CPED1: variants seen among roughly 807,000 people sequenced by gnomAD.
CPED1 encodes cadherin like and PC-esterase domain containing 1.
Under a neutral mutation model 128.2 loss-of-function variants are expected in CPED1, and 114 were observed. That is an observed-to-expected ratio of 0.89 (90% CI 0.76 to 1.04). The LOEUF is 1.04. Among genes scored for constraint, CPED1 ranks in the 50% least tolerant of loss-of-function variants. The pLI, the probability that CPED1 is intolerant of heterozygous loss-of-function variation, is 0.00. For synonymous variants in CPED1, 462 were observed against 426.7 expected (o/e 1.08, Z -1.02); for missense variants, 1,211 against 1,207.1 (o/e 1.00, Z -0.05).
intron 16 of CPED1, among the ~76,000 whole-genome samples, chr7:121,224,490 C>G (rs1234336293): frequency 6.6e-6 from 1 of 152,142 alleles, no homozygotes. Flanking sequence ...TGGTGCAGAG[C>G]TGAGTTCAAG....
At chr7:121,180,668 C>T (rs556633379) in intron 16 of CPED1, among the ~76,000 whole-genome samples, 61 of 152,026 alleles carry the variant, frequency 4.0e-4, no homozygotes, top group Middle Eastern at 3.4e-3. Flanking sequence ...TTCTTTGCTA[C>T]ACAATGGAGA....
In CPED1 at chr7:121,117,260, C is replaced by T. The variant is rs115349237; in HGVS notation, c.919-7071C>T. ...GGATTACAGATGAGTACCACCATGC[C>T]GGGCTACTTTTTGTATTTTTAGTTG... On this transcript the variant is annotated intron_variant, in intron 7 of 22. Coordinates refer to ENST00000310396, the MANE Select transcript of CPED1 (RefSeq NM_024913.5). 9.2e-3 allele frequency among the ~76,000 whole-genome samples: 1,394 copies of T among 151,232 alleles called. 21 individuals are homozygous for T. Among genetic ancestry groups the T allele is most frequent in the African/African-American group, 0.031 (1,296 of 41,196 alleles).
At chr7:121,058,409 G>A (rs1793558674) in intron 4 of CPED1, among the ~76,000 whole-genome samples, 1 of 152,164 alleles carries the variant, frequency 6.6e-6, no homozygotes, top group South Asian at 2.1e-4. Flanking sequence ...ATGGGGTGGT[G>A]AGCTGTGGCT....
chr7:121,183,688 T>G (rs554099574), intron 16 of CPED1, among the ~76,000 whole-genome samples: 1 of 152,294 alleles, frequency 6.6e-6, no homozygotes, highest in South Asian at 2.1e-4. Context: ...AACATAATGA[T>G]ATTAGTTTTC....
At position 121,197,186 on chromosome 7, in the gene CPED1, G is replaced by A. The variant is rs1392349277; in HGVS notation, c.2056-39528G>A. Among the ~76,000 whole-genome samples the A allele has an allele frequency of 4.1e-5, 6 of 147,986 alleles. No homozygotes were observed. In the Admixed American group the frequency reaches 4.1e-4, roughly 10 times the overall value. On this transcript the variant is annotated intron_variant, in intron 16 of 22. Coordinates refer to ENST00000310396, the MANE Select transcript of CPED1 (RefSeq NM_024913.5). The stretch of plus-strand genomic sequence containing the variant: ...GTACTATTAAGAGAGCATTCTTAAA[G>A]CAGGTTTTAAAAGTAATAGCAAATT...
chr7:121,276,205 T>G (rs943194358), intron 22 of CPED1, among the ~76,000 whole-genome samples: 1 of 152,106 alleles, frequency 6.6e-6, no homozygotes, highest in South Asian at 2.1e-4. Flanking sequence ...AGAATTAATA[T>G]TTCCTTTAAA....
intron 5 of CPED1, among the ~76,000 whole-genome samples, chr7:121,087,511 T>C (rs1794454494): frequency 6.6e-6 from 1 of 152,192 alleles, no homozygotes; most frequent in Non-Finnish European, 1.5e-5. Context: ...TTTTTACTGT[T>C]ATCCAATAAT....
chr7:121,236,827 GA>G lies in CPED1; in HGVS notation c.2172del (p.Gly725AlafsTer21). 1 of 1,522,546 alleles carries G rather than the reference GA, an allele frequency of 6.6e-7. No individual in the cohort carries two copies. Among genetic ancestry groups the G allele is most frequent in the Non-Finnish European group, 9.1e-7 (1 of 1,104,758 alleles). The allele number at this position is 1,522,546 out of a possible 1,614,324, so 94.3% of individuals were successfully genotyped here. On this transcript the variant is annotated frameshift_variant, in exon 17 of 23. Coordinates refer to ENST00000310396, the MANE Select transcript of CPED1 (RefSeq NM_024913.5). LOFTEE classifies it high-confidence loss of function. ...ELKRCPSGDMKGQWIVPCLSC... is the reference protein window; with the variant it reads ...ELKRCPSGDMXGQWIVPCLSC... The stretch of plus-strand genomic sequence containing the variant: ...TAAAAAGATGTCCATCTGGGGACAT[GA>G]AAGGTGACTATCACATTGGATATCA...
At chr7:121,225,015 TATG>T (rs1337220660) in intron 16 of CPED1, among the ~76,000 whole-genome samples, 4 of 152,098 alleles carry the variant, frequency 2.6e-5, no homozygotes, top group Non-Finnish European at 4.4e-5. Context: ...AGCCTGTCAT[TATG>T]ATGTTAGCTG....
At chr7:120,990,274 C>T (rs1796288819) in intron 2 of CPED1, among the ~76,000 whole-genome samples, 1 of 151,992 alleles carries the variant, frequency 6.6e-6, no homozygotes, top group Non-Finnish European at 1.5e-5. Flanking sequence ...GTATGAGTGC[C>T]CAGACCATTC....
Position 121,136,107 on chromosome 7 carries a change from GTGT to G in CPED1, c.1699+21_1699+23del. On this transcript the variant is annotated intron_variant, in intron 14 of 22. Coordinates refer to ENST00000310396, the MANE Select transcript of CPED1 (RefSeq NM_024913.5). ...GCAGTGATGGTGAGTTGAGATTAAA[GTGT>G]TGTAGCAGCATAATAAACAATTAGG... is the stretch of plus-strand genomic sequence containing the variant. The G allele has an allele frequency of 6.5e-7, 1 of 1,545,666 alleles. No individual in the cohort carries two copies. Among genetic ancestry groups the G allele is most frequent in the Middle Eastern group, 1.7e-4 (1 of 5,858 alleles).
chr7:121,197,352 A>G (rs1311078064), intron 16 of CPED1, among the ~76,000 whole-genome samples: 1 of 152,128 alleles, frequency 6.6e-6, no homozygotes, highest in Admixed American at 6.6e-5. Context: ...CAACAGTACC[A>G]CTAATACCTT....
intron 4 of CPED1, among the ~76,000 whole-genome samples, chr7:121,057,875 T>C (rs1381412845): frequency 6.6e-6 from 1 of 151,992 alleles, no homozygotes; most frequent in African/African-American, 2.4e-5. Context: ...ATATGATAGA[T>C]GGTAAAGAGC....
At chr7:121,001,782 C>A (rs193195883) in intron 2 of CPED1, among the ~76,000 whole-genome samples, 93 of 152,202 alleles carry the variant, frequency 6.1e-4, no homozygotes, top group African/African-American at 2.1e-3. Context: ...CAAGTGACTT[C>A]TTTGTGTTTT....
chr7:121,048,724 A>G (rs1363115843), intron 4 of CPED1, among the ~76,000 whole-genome samples: 1 of 152,096 alleles, frequency 6.6e-6, no homozygotes, highest in African/African-American at 2.4e-5. Flanking sequence ...TTTTTAGTAG[A>G]GACGGGGTTT....
At chr7:121,230,497 G>A (rs947679938) in intron 16 of CPED1, among the ~76,000 whole-genome samples, 1 of 152,018 alleles carries the variant, frequency 6.6e-6, no homozygotes, top group African/African-American at 2.4e-5. Flanking sequence ...TTAGACATTT[G>A]CAGCAGATCA....
At chr7:120,997,615 G>A (rs530245429) in intron 2 of CPED1, among the ~76,000 whole-genome samples, 3 of 152,246 alleles carry the variant, frequency 2.0e-5, no homozygotes, top group African/African-American at 7.2e-5. Context: ...AATCCAATAT[G>A]ACTGGTGTTA....
chr7:121,086,613 C>A (rs1794430756), intron 5 of CPED1, among the ~76,000 whole-genome samples: 1 of 152,070 alleles, frequency 6.6e-6, no homozygotes, highest in African/African-American at 2.4e-5. Flanking sequence ...GTAGATACTG[C>A]AAATTTTTTA....
chr7:121,285,145 G>T (rs561672774), intron 22 of CPED1, among the ~76,000 whole-genome samples: 1 of 152,330 alleles, frequency 6.6e-6, no homozygotes, highest in South Asian at 2.1e-4. Context: ...AAGGCTTGGG[G>T]CTTGAACTCT....
Sources: allele counts gnomAD v4.1 joint callset (sites outside exome capture counted in the v4.1 genomes callset), GRCh38; gene constraint gnomAD v4.1.1; transcripts MANE v1.5; gene names NCBI Gene and HGNC (gene_info 2026-07-23, HGNC 2026-07-21).